The following ARIH2 variants were observed in gnomAD, a reference collection of about 807,000 sequenced individuals.
ARIH2 encodes the protein ariadne RBR E3 ubiquitin protein ligase 2.
Under a neutral mutation model 79.8 loss-of-function variants are expected in ARIH2, and 12 were observed. The ratio of observed to expected loss-of-function variants is 0.15; its 90% CI spans 0.10 to 0.24. The LOEUF is 0.24. ARIH2 is among the 10% of genes least tolerant of loss of function. The pLI is 1.00. For missense variants in ARIH2, 301 were observed against 618.3 expected, an observed-to-expected ratio of 0.49 and a Z score of 5.44; for synonymous variants, 224 against 213.9, an observed-to-expected ratio of 1.05 and a Z score of -0.41.
At chr3:48,922,651 A>G (rs1249025890) in intron 1 of ARIH2, 97 bp from the exon 2 acceptor site, 1 of 152,098 alleles carries the variant, frequency 6.6e-6, no homozygotes, top group African/African-American at 2.4e-5. Flanking sequence ...GTCCCTTGTT[A>G]CTTGTCCTTT....
At chr3:48,931,245 T>A (rs1447343607) in intron 3 of ARIH2, among the ~76,000 whole-genome samples, 1 of 152,086 alleles carries the variant, frequency 6.6e-6, no homozygotes. Context: ...GTGCAACTAA[T>A]TAAACAAAAA....
Position 48,919,002 on chromosome 3 carries a change from A to G in ARIH2, c.-162+4A>G, listed in dbSNP as rs2084311496. The G allele has an allele frequency of 6.9e-7, 1 of 1,440,378 alleles. No homozygotes were observed. The highest frequency in any genetic ancestry group is 9.1e-7 in the Non-Finnish European group (1 of 1,103,168). The allele number at this position is 1,440,378 out of a possible 1,614,324, so 89.2% of individuals were successfully genotyped here. ...GGCCGCGAGGCCGCAGCTCCCGGTAAGTGCGCGGCGCACGTCACGGCCTTG... is the reference window on the plus strand; with the variant it reads ...GGCCGCGAGGCCGCAGCTCCCGGTAGGTGCGCGGCGCACGTCACGGCCTTG... On this transcript the variant is annotated splice_donor_region_variant and intron_variant, in intron 1 of 15. Transcript: ENST00000356401.
chr3:48,952,078 A>T (rs1429604091), intron 3 of ARIH2, among the ~76,000 whole-genome samples: 1 of 152,138 alleles, frequency 6.6e-6, no homozygotes, highest in Non-Finnish European at 1.5e-5. Context: ...ATACATTTAT[A>T]GTTTTAAATT....
At chr3:48,950,479 T>C (rs1239728572) in intron 3 of ARIH2, among the ~76,000 whole-genome samples, 3 of 152,232 alleles carry the variant, frequency 2.0e-5, no homozygotes, top group Non-Finnish European at 2.9e-5. Flanking sequence ...CTTTCAACTT[T>C]GCTCTTTTCT....
intron 3 of ARIH2, among the ~76,000 whole-genome samples, chr3:48,932,296 CAAATG>C (rs2086483686): frequency 1.3e-5 from 2 of 152,060 alleles, no homozygotes; most frequent in African/African-American, 4.8e-5. Context: ...ATGGAATAGT[CAAATG>C]AGATGAAATG....
At chr3:48,969,982 C>G (rs1028193960) in intron 7 of ARIH2, among the ~76,000 whole-genome samples, 2 of 151,702 alleles carry the variant, frequency 1.3e-5, no homozygotes, top group Admixed American at 1.3e-4. Context: ...CCTCTATCTC[C>G]CAGGTTCAAG....
At chr3:48,973,922 C>A in intron 9 of ARIH2, 106 bp downstream of exon 9, 1 of 843,824 alleles carries the variant, frequency 1.2e-6, no homozygotes, top group Non-Finnish European at 1.9e-6. Flanking sequence ...AGCCCCAGGA[C>A]CCTTCCTGAG....
intron 3 of ARIH2, among the ~76,000 whole-genome samples, chr3:48,939,802 A>C (rs1576243452): frequency 6.6e-6 from 1 of 151,626 alleles, no homozygotes; most frequent in African/African-American, 2.4e-5. Context: ...AAAAAAAAAA[A>C]CTGAAGTAAT....
chr3:48,923,155 C>T (rs961814716), intron 2 of ARIH2, among the ~76,000 whole-genome samples: 46 of 150,800 alleles, frequency 3.1e-4, no homozygotes, highest in African/African-American at 1.0e-3. Context: ...TGCAGTGAGC[C>T]GAGATCCCGC....
intron 1 of ARIH2, chr3:48,919,390 TC>T: frequency 2.4e-6 from 1 of 411,162 alleles, no homozygotes; most frequent in Non-Finnish European, 4.2e-6. Context: ...GTGGAGGGTA[TC>T]CCCAGCTCGC....
intron 6 of ARIH2, chr3:48,968,314 T>A: frequency 5.7e-6 from 2 of 349,894 alleles, no homozygotes; most frequent in Non-Finnish European, 1.1e-5. Context: ...TTCACGCCAT[T>A]CTCCTGCCCC....
chr3:48,934,608 A>G, intron 3 of ARIH2: 1 of 985,404 alleles, frequency 1.0e-6, no homozygotes, highest in Non-Finnish European at 1.2e-6. Flanking sequence ...CGTTTCAAAT[A>G]GCTGGCCGTT....
intron 6 of ARIH2, 105 bp from the exon 7 acceptor site, chr3:48,968,429 G>A (rs530674181): frequency 2.2e-5 from 25 of 1,142,916 alleles, no homozygotes; most frequent in African/African-American, 1.2e-4. Context: ...GACTGGTCTC[G>A]AACTCCCGAC....
At chr3:48,927,291 T>C in intron 2 of ARIH2, 171 bp from the exon 3 acceptor site, 1 of 403,234 alleles carries the variant, frequency 2.5e-6, no homozygotes, top group Non-Finnish European at 4.5e-6. Context: ...GGATTTCCCT[T>C]TTATAAGCCT....
At chr3:48,954,854 A>G (rs1164186265) in intron 3 of ARIH2, among the ~76,000 whole-genome samples, 1 of 152,206 alleles carries the variant, frequency 6.6e-6, no homozygotes, top group Non-Finnish European at 1.5e-5. Flanking sequence ...GAAACTTTCT[A>G]GTTTTTAATT....
rs1025233511 is a variant in ARIH2 at position 48,968,718 on chromosome 3, A to C, written c.660+63A>C. ...GCCTACCTTCCATCAGAGGGTCACC[A>C]CAGTTACTTACTTTGTAGACTAGGC... On this transcript the variant is annotated intron_variant, in intron 7 of 15. Coordinates refer to ENST00000356401, the MANE Select transcript of ARIH2 (RefSeq NM_006321.4). 6.4e-6 allele frequency: 10 copies of C among 1,566,712 alleles called. No homozygotes were observed. In the South Asian group the frequency reaches 1.0e-4, roughly 16 times the overall value.
rs2092818795 is a variant in ARIH2 at position 48,983,394 on chromosome 3, G to T, written c.*124G>T. 2 of 862,014 alleles carry T rather than the reference G, an allele frequency of 2.3e-6. No individual in the cohort carries two copies. The highest frequency in any genetic ancestry group is 1.7e-5 in the African/African-American group (1 of 60,562). The allele number at this position is 862,014 out of a possible 1,614,324, so 53.4% of individuals were successfully genotyped here. ...AACAGCCAGGGCCCCACTCCTGAGA[G>T]ACACTGGCAACACCTCTTAGTTGAT... On this transcript the variant is annotated 3_prime_UTR_variant, in exon 16 of 16. Coordinates refer to ENST00000356401, the MANE Select transcript of ARIH2 (RefSeq NM_006321.4).
At chr3:48,936,552 GTGAAACCC>G (rs2087146648) in intron 3 of ARIH2, among the ~76,000 whole-genome samples, 1 of 151,828 alleles carries the variant, frequency 6.6e-6, no homozygotes, top group African/African-American at 2.4e-5. Flanking sequence ...AGCTAACATG[GTGAAACCC>G]TGTCTCTACT....
intron 7 of ARIH2, 77 bp from the exon 8 acceptor site, chr3:48,970,518 T>C: frequency 1.1e-6 from 1 of 948,362 alleles, no homozygotes; most frequent in Non-Finnish European, 1.7e-6. Context: ...CAGAAAGTGT[T>C]TGAATATTCA....
Sources: gnomAD v4.1 joint callset for allele counts (sites outside exome capture counted in the v4.1 genomes callset) on GRCh38, gnomAD v4.1.1 for gene constraint, MANE v1.5 for transcripts, NCBI Gene and HGNC (gene_info 2026-07-23, HGNC 2026-07-21) for gene names.